Variants in XKR6 observed in about 807,000 individuals in gnomAD.
The protein encoded by XKR6 is XK-related protein 6.
XKR6 carries 22 observed loss-of-function variants against 56.7 expected under a neutral mutation model. That is an observed-to-expected ratio of 0.39 (90% confidence interval 0.28 to 0.55). The LOEUF (loss-of-function observed/expected upper bound fraction) is 0.55, where lower values mean the gene tolerates loss of function less well. Ranked by LOEUF, XKR6 falls within the 20% of genes least tolerant of loss-of-function variation. The probability of loss-of-function intolerance (pLI) is 0.66; values close to 1 mark genes in which losing one functional copy is unlikely to be tolerated. For synonymous variants in XKR6, 524 were observed against 387.8 expected, an observed-to-expected ratio of 1.35 and a Z score of -4.13; for missense variants, 852 against 889.0, an observed-to-expected ratio of 0.96 and a Z score of 0.53.
At chr8:10,947,392 G>A (rs2040507372) in intron 1 of XKR6, among the ~76,000 whole-genome samples, 1 of 152,182 alleles carries the variant, frequency 6.6e-6, no homozygotes, top group Non-Finnish European at 1.5e-5. Flanking sequence ...ATCCAGGCTG[G>A]AGATGCAGAC....
intron 1 of XKR6, among the ~76,000 whole-genome samples, chr8:11,152,032 C>G (rs1801295306): frequency 6.6e-6 from 1 of 152,180 alleles, no homozygotes; most frequent in Non-Finnish European, 1.5e-5. Context: ...AACTTATTAA[C>G]AAATTACTAT....
chr8:11,159,372 G>A (rs1030166827), intron 1 of XKR6, among the ~76,000 whole-genome samples: 1 of 152,150 alleles, frequency 6.6e-6, no homozygotes, highest in Non-Finnish European at 1.5e-5. Context: ...CCCAAGTAAT[G>A]ACCACAATGC....
rs147234649 is a variant in XKR6 at position 10,946,126 on chromosome 8, A to T, written c.765-21296T>A. Among the ~76,000 whole-genome samples, 444 of 152,076 alleles carry T rather than the reference A, an allele frequency of 2.9e-3. 5 individuals are homozygous for T. Among genetic ancestry groups the T allele is most frequent in the East Asian group, 8.9e-3 (46 of 5,172 alleles). ...AGAGCTAAAGACCTCCTGACCACAC[A>T]CACCTCCCTGTGTCACTCTGCCTGC... is the stretch of plus-strand genomic sequence containing the variant. On this transcript the variant is annotated intron_variant, in intron 1 of 2. Coordinates refer to ENST00000416569, the MANE Select transcript of XKR6 (RefSeq NM_173683.4).
intron 1 of XKR6, among the ~76,000 whole-genome samples, chr8:11,071,425 G>C (rs1800111212): frequency 6.6e-6 from 1 of 151,512 alleles, no homozygotes; most frequent in African/African-American, 2.4e-5. Context: ...ATTTTCAGTA[G>C]AGACAGGGTT....
At chr8:11,081,736 G>T (rs774283047) in intron 1 of XKR6, among the ~76,000 whole-genome samples, 1 of 152,216 alleles carries the variant, frequency 6.6e-6, no homozygotes, top group Non-Finnish European at 1.5e-5. Flanking sequence ...TGTCAGTTCA[G>T]TGGAGAGAGA....
rs146457788 is a variant in XKR6, at chr8:11,146,211, G to C, written c.764+54365C>G. Among the ~76,000 whole-genome samples, 519 of 152,260 alleles carry C rather than the reference G, an allele frequency of 3.4e-3. 3 individuals carry two copies. The highest frequency in any genetic ancestry group is 0.011 in the African/African-American group (477 of 41,556). On this transcript the variant is annotated intron_variant, in intron 1 of 2. Transcript: ENST00000416569. ...CATATACAAAAAGTAATGTAAAATG[G>C]ATCACAGAACTAGATATTAAACTTT...
chr8:11,118,013 G>A (rs938849213), intron 1 of XKR6, among the ~76,000 whole-genome samples: 2 of 152,132 alleles, frequency 1.3e-5, no homozygotes, highest in Admixed American at 1.3e-4. Context: ...GTATACACCA[G>A]CACCAACTTT....
intron 1 of XKR6, among the ~76,000 whole-genome samples, chr8:11,152,582 T>C (rs1801321021): frequency 6.6e-6 from 1 of 152,202 alleles, no homozygotes; most frequent in African/African-American, 2.4e-5. Flanking sequence ...CCTGAACGTT[T>C]GTCCTAATAA....
chr8:11,055,570 G>A (rs1799660964), intron 1 of XKR6, among the ~76,000 whole-genome samples: 1 of 152,228 alleles, frequency 6.6e-6, no homozygotes, highest in African/African-American at 2.4e-5. Context: ...TCACAGCACA[G>A]CAGCCCCTCT....
At chr8:11,077,517 G>A (rs1800305798) in intron 1 of XKR6, among the ~76,000 whole-genome samples, 1 of 152,174 alleles carries the variant, frequency 6.6e-6, no homozygotes, top group South Asian at 2.1e-4. Context: ...ATGGGAGAAA[G>A]CTGGTGGCTC....
intron 1 of XKR6, among the ~76,000 whole-genome samples, chr8:10,984,726 C>A (rs1373592271): frequency 0.013 from 923 of 70,048 alleles, 5 homozygotes; most frequent in African/African-American, 0.039. Flanking sequence ...CTCTCTCTCT[C>A]TCTCTCTATA....
chr8:10,950,271 G>A (rs760935524), intron 1 of XKR6, among the ~76,000 whole-genome samples: 8 of 152,294 alleles, frequency 5.3e-5, no homozygotes, highest in Non-Finnish European at 1.2e-4. Flanking sequence ...CCCAGCCCCC[G>A]GCCTCCTCTA....
chr8:10,910,996 G>T (rs935943539), intron 2 of XKR6, among the ~76,000 whole-genome samples: 25 of 152,238 alleles, frequency 1.6e-4, no homozygotes, highest in African/African-American at 6.0e-4. Context: ...ACAATGCCCT[G>T]TTGCTCCCAG....
At chr8:11,159,862 A>T (rs1801706305) in intron 1 of XKR6, among the ~76,000 whole-genome samples, 1 of 152,180 alleles carries the variant, frequency 6.6e-6, no homozygotes, top group South Asian at 2.1e-4. Flanking sequence ...TGGCCTTTAG[A>T]ATGTTGTTGA....
chr8:11,183,193 T>A (rs1803090260), intron 1 of XKR6, among the ~76,000 whole-genome samples: 2 of 152,194 alleles, frequency 1.3e-5, no homozygotes, highest in Non-Finnish European at 2.9e-5. Context: ...AATATCTCCT[T>A]GAGACCCTCC....
rs911757782 is a variant in XKR6, at chr8:11,200,138, G to C, written c.764+438C>G. Among the ~76,000 whole-genome samples the C allele has an allele frequency of 6.6e-6, 1 of 152,224 alleles. No homozygotes were observed. The highest frequency in any genetic ancestry group is 2.4e-5 in the African/African-American group (1 of 41,472). On this transcript the variant is annotated intron_variant, in intron 1 of 2. Transcript: ENST00000416569. The surrounding 1 kb of genome is among the most constrained non-coding windows in gnomAD (Gnocchi z 6.4). The stretch of plus-strand genomic sequence containing the variant: ...ACGCAGGCCACTGCAGAGGGAGAAC[G>C]GGGGAAGAGGGGAGGATGTCTCACC...
intron 1 of XKR6, among the ~76,000 whole-genome samples, chr8:10,954,923 C>A (rs951340275): frequency 7.4e-6 from 1 of 134,468 alleles, no homozygotes; most frequent in Non-Finnish European, 1.5e-5. Flanking sequence ...GGCTGAAGTG[C>A]AGTGGTGCAA....
intron 2 of XKR6, among the ~76,000 whole-genome samples, chr8:10,914,827 G>A (rs1053911730): frequency 1.3e-5 from 2 of 152,212 alleles, no homozygotes; most frequent in Non-Finnish European, 2.9e-5. Flanking sequence ...AGCCCCTGGC[G>A]TCCAGTACAG....
chr8:10,982,576 G>A (rs1463902746), intron 1 of XKR6, among the ~76,000 whole-genome samples: 1 of 152,204 alleles, frequency 6.6e-6, no homozygotes, highest in Non-Finnish European at 1.5e-5. Context: ...GAAAACGGGA[G>A]AAATGTTCTG....
Sources: gnomAD v4.1 joint callset for allele counts (sites outside exome capture counted in the v4.1 genomes callset) on GRCh38, gnomAD v4.1.1 for gene constraint, Gnocchi (gnomAD v3.1) non-coding constraint, MANE v1.5 for transcripts, NCBI Gene and HGNC (gene_info 2026-07-23, HGNC 2026-07-21) for gene names.